The following MAP3K7 variants were observed in gnomAD, a reference collection of about 807,000 sequenced individuals.
The protein encoded by MAP3K7 is mitogen-activated protein kinase kinase kinase 7, also known as TGF-beta activated kinase 1.
In MAP3K7, 21 loss-of-function variants were observed where a neutral mutation model predicts 84.8. The observed-to-expected ratio is 0.25, with a 90% CI of 0.18 to 0.36. The LOEUF is 0.36. MAP3K7 is among the 10% of genes least tolerant of loss of function. MAP3K7 has a pLI of 1.00. For synonymous variants in MAP3K7, 241 were observed against 247.7 expected (o/e 0.97, Z 0.25); for missense variants, 503 against 747.7 (o/e 0.67, Z 3.82).
At chr6:90,575,944 C>T (rs1035534925) in intron 1 of MAP3K7, among the ~76,000 whole-genome samples, 1 of 152,058 alleles carries the variant, frequency 6.6e-6, no homozygotes, top group Non-Finnish European at 1.5e-5. Flanking sequence ...CACAAATGTA[C>T]TTTCTAGCGT....
chr6:90,544,035 T>G (rs1775929980), intron 12 of MAP3K7, among the ~76,000 whole-genome samples: 1 of 152,088 alleles, frequency 6.6e-6, no homozygotes, highest in South Asian at 2.1e-4. Context: ...CACATCTCAT[T>G]TAGCTTTACT....
At chr6:90,518,750 C>T (rs1242633575) in intron 15 of MAP3K7, among the ~76,000 whole-genome samples, 188 bp from the exon 16 acceptor site, 3 of 151,764 alleles carry the variant, frequency 2.0e-5, no homozygotes, top group Non-Finnish European at 4.4e-5. Context: ...GCATTTAAAT[C>T]TATTCTTGCT....
At chr6:90,581,957 G>A (rs1414471674) in intron 1 of MAP3K7, among the ~76,000 whole-genome samples, 1 of 152,120 alleles carries the variant, frequency 6.6e-6, no homozygotes, top group African/African-American at 2.4e-5. Context: ...AAACTTTTGT[G>A]TGTCTCCTTA....
intron 13 of MAP3K7, among the ~76,000 whole-genome samples, chr6:90,527,295 T>C (rs1246692393): frequency 6.6e-6 from 1 of 152,074 alleles, no homozygotes; most frequent in Non-Finnish European, 1.5e-5. Flanking sequence ...CAGGGTCTTG[T>C]TCTCTTGCCC....
rs911602383 is a variant in MAP3K7, at chr6:90,587,039, C to T, written c.-156G>A. Reference sequence around the variant, plus strand: ...CGGGGGTAGAGGCAGCGGCCACAGCCGTGTCCGGCTCTGGCTCCGCTGCGT... The same window carrying T: ...CGGGGGTAGAGGCAGCGGCCACAGCTGTGTCCGGCTCTGGCTCCGCTGCGT... On this transcript the variant is annotated 5_prime_UTR_variant, in exon 1 of 17. Transcript: ENST00000369329. The T allele has an allele frequency of 4.6e-6, 4 of 871,194 alleles. No individual in the cohort carries two copies. Among genetic ancestry groups the T allele is most frequent in the Admixed American group, 4.1e-5 (1 of 24,354 alleles). The allele number at this position is 871,194 out of a possible 1,614,324, so 54.0% of individuals were successfully genotyped here. A position where few individuals can be genotyped will look rare whatever the true frequency, so the allele number is the denominator to read the frequency against.
chr6:90,569,706 T>C (rs1447476172), intron 2 of MAP3K7, among the ~76,000 whole-genome samples: 2 of 152,142 alleles, frequency 1.3e-5, no homozygotes, highest in East Asian at 3.9e-4. Flanking sequence ...CTCAAACTCC[T>C]GGGCTCAAGC....
rs35425755 is a variant in MAP3K7, at chr6:90,518,293, T to C, written c.1640+154A>G. On this transcript the variant is annotated intron_variant, in intron 16 of 16. Transcript: ENST00000369329. The stretch of plus-strand genomic sequence containing the variant: ...ATAGTCAAAAGGATTGAGTTTTGCA[T>C]AAAAAATTTTTAGTAAAAGGGTGCT... 7.8e-3 allele frequency among the ~76,000 whole-genome samples: 1,182 copies of C among 151,906 alleles called. 15 individuals carry two copies. The highest frequency in any genetic ancestry group is 0.027 in the African/African-American group (1,102 of 41,526).
intron 16 of MAP3K7, 133 bp from the exon 17 acceptor site, chr6:90,516,814 A>G (rs772455087): frequency 3.3e-5 from 21 of 638,244 alleles, no homozygotes; most frequent in South Asian, 1.4e-4. Flanking sequence ...CTAATCAAAT[A>G]TAATTATGGG....
chr6:90,564,420 C>A (rs919641901), intron 3 of MAP3K7, among the ~76,000 whole-genome samples: 5 of 151,814 alleles, frequency 3.3e-5, no homozygotes, highest in African/African-American at 1.2e-4. Flanking sequence ...GGTTGCAATC[C>A]TAGTCTCTGA....
chr6:90,569,013 T>G (rs1046019964), intron 2 of MAP3K7, among the ~76,000 whole-genome samples: 2 of 152,202 alleles, frequency 1.3e-5, no homozygotes, highest in African/African-American at 2.4e-5. Context: ...CCAGACGTCA[T>G]GCTATCATTG....
At chr6:90,538,193 A>T (rs546936869) in intron 12 of MAP3K7, among the ~76,000 whole-genome samples, 1 of 152,082 alleles carries the variant, frequency 6.6e-6, no homozygotes, top group East Asian at 1.9e-4. Context: ...TAGTTCAGAC[A>T]AAGCAAAACA....
At chr6:90,519,506 A>G (rs182751495) in intron 14 of MAP3K7, among the ~76,000 whole-genome samples, 187 bp from the exon 15 acceptor site, 1 of 152,170 alleles carries the variant, frequency 6.6e-6, no homozygotes, top group African/African-American at 2.4e-5. Context: ...TTCAATTATC[A>G]GATATTAGAA....
intron 11 of MAP3K7, among the ~76,000 whole-genome samples, chr6:90,546,897 A>G (rs898262725): frequency 2.0e-5 from 3 of 152,322 alleles, no homozygotes; most frequent in African/African-American, 7.2e-5. Context: ...ATTTGAGTTC[A>G]GCACAAAAAT....
At chr6:90,564,323 C>A (rs1469775006) in intron 3 of MAP3K7, among the ~76,000 whole-genome samples, 1 of 152,122 alleles carries the variant, frequency 6.6e-6, no homozygotes, top group Non-Finnish European at 1.5e-5. Context: ...TCAGGAGACT[C>A]ATCTCACGGG....
intron 8 of MAP3K7, 158 bp from the exon 9 acceptor site, chr6:90,550,707 G>C: frequency 5.7e-6 from 3 of 524,204 alleles, no homozygotes; most frequent in Non-Finnish European, 1.0e-5. Flanking sequence ...TTTCAACTTT[G>C]ATCAATGCCA....
intron 5 of MAP3K7, among the ~76,000 whole-genome samples, chr6:90,558,832 A>C (rs1776417401): frequency 6.6e-6 from 1 of 152,236 alleles, no homozygotes; most frequent in Admixed American, 6.5e-5. Flanking sequence ...AACATACTGT[A>C]ACGAGGAGAA....
intron 14 of MAP3K7, 124 bp from the exon 15 acceptor site, chr6:90,519,443 C>T: frequency 1.6e-6 from 1 of 645,012 alleles, no homozygotes. Flanking sequence ...AAAGTTACAG[C>T]TATTGGTAAT....
At chr6:90,541,026 A>G (rs959664917) in intron 12 of MAP3K7, among the ~76,000 whole-genome samples, 13 of 151,926 alleles carry the variant, frequency 8.6e-5, no homozygotes, top group Non-Finnish European at 1.8e-4. Context: ...ATAGTGACAA[A>G]AAGAAAATAT....
chr6:90,523,754 G>C lies in MAP3K7; in HGVS notation c.1386C>G (p.Val462=). 1 of 1,612,332 alleles carries C rather than the reference G, an allele frequency of 6.2e-7. No individual in the cohort carries two copies. Among genetic ancestry groups the C allele is most frequent in the Non-Finnish European group, 8.5e-7 (1 of 1,178,682 alleles). The change falls in exon 14 of 17, where the codon GTC becomes GTG. Residue 462 remains valine, a synonymous_variant. Coordinates refer to ENST00000369329, the MANE Select transcript of MAP3K7 (RefSeq NM_145331.3). ...TTGGTCCTGAGGTAGTAATCATTCT[G>C]ACACTGGGACTGGATGACCTACTGC... The part of the protein sequence containing the change: ...QVSSRSSSPS[V]RMITTSGPTS...
Sources: gnomAD v4.1 joint callset for allele counts (sites outside exome capture counted in the v4.1 genomes callset) on GRCh38, gnomAD v4.1.1 for gene constraint, MANE v1.5 for transcripts, NCBI Gene and HGNC (gene_info 2026-07-23, HGNC 2026-07-21) for gene names.